The following PPP2R5D variants were observed in gnomAD, a reference collection of about 807,000 sequenced individuals.
The protein encoded by PPP2R5D is serine/threonine-protein phosphatase 2A 56 kDa regulatory subunit delta isoform.
PPP2R5D carries 12 observed loss-of-function variants against 79.1 expected under a neutral mutation model. The ratio of observed to expected loss-of-function variants is 0.15; its 90% confidence interval spans 0.10 to 0.25. PPP2R5D has a LOEUF of 0.25. Ranked by LOEUF, PPP2R5D falls within the 10% of genes least tolerant of loss-of-function variation. PPP2R5D has a pLI of 1.00. For synonymous variants in PPP2R5D, 277 were observed against 286.6 expected, an observed-to-expected ratio of 0.97 and a Z score of 0.34; for missense variants, 419 against 760.2, an observed-to-expected ratio of 0.55 and a Z score of 5.28.
intron 2 of PPP2R5D, among the ~76,000 whole-genome samples, chr6:42,999,652 G>A (rs924161250): frequency 8.5e-5 from 13 of 152,080 alleles, no homozygotes; most frequent in Non-Finnish European, 4.4e-5. Flanking sequence ...TGCAACCTCT[G>A]TCTCCCAGGT....
chr6:42,986,826 G>A lies in PPP2R5D; in HGVS notation c.27+2122G>A, dbSNP rs567687836. Among the ~76,000 whole-genome samples, 162 of 151,724 alleles carry A rather than the reference G, an allele frequency of 1.1e-3. 3 individuals are homozygous for A. Among genetic ancestry groups the A allele is most frequent in the Admixed American group, 0.01 (157 of 15,078 alleles). ...CCAGTGAGATTTGCTAGGACCATGG[G>A]TGTAAACGTTTGGTTGGGAAAGGGT... On this transcript the variant is annotated intron_variant, in intron 1 of 15. Coordinates refer to ENST00000485511, the MANE Select transcript of PPP2R5D (RefSeq NM_006245.4).
chr6:42,989,007 C>T (rs1158186163), intron 1 of PPP2R5D, among the ~76,000 whole-genome samples: 1 of 152,186 alleles, frequency 6.6e-6, no homozygotes, highest in East Asian at 1.9e-4. Flanking sequence ...GGTTTTACCC[C>T]CATCCCTGTC....
At position 43,010,628 on chromosome 6, in the gene PPP2R5D, C is replaced by G. The variant is rs1367886948; in HGVS notation, c.1482-36C>G. On this transcript the variant is annotated intron_variant, in intron 13 of 15. Transcript: ENST00000485511. This position sits in a 1 kb window ranked among gnomAD's most constrained non-coding sequence, Gnocchi z 4.7. ...TCTACCACCAGCTCACTGTGTTTCTCTCAAGCCCAACCCCAATCCTACTTT... is the reference window on the plus strand; with the variant it reads ...TCTACCACCAGCTCACTGTGTTTCTGTCAAGCCCAACCCCAATCCTACTTT... 6.2e-7 allele frequency: 1 copy of G among 1,613,622 alleles called. No homozygotes were observed. The highest frequency in any genetic ancestry group is 1.3e-5 in the African/African-American group (1 of 74,912).
At chr6:42,988,775 A>G (rs1466512109) in intron 1 of PPP2R5D, among the ~76,000 whole-genome samples, 2 of 152,260 alleles carry the variant, frequency 1.3e-5, no homozygotes, top group African/African-American at 4.8e-5. Flanking sequence ...TCTTTTAACA[A>G]GATGGAAGGT....
chr6:42,989,803 T>C lies in PPP2R5D; in HGVS notation c.105+115T>C. ...GGCAGAAGGGAAGGCTTCCATATCC[T>C]GGGAGGGACCTGGACAGCCCATCCA... On this transcript the variant is annotated intron_variant, in intron 2 of 15. Coordinates refer to ENST00000485511, the MANE Select transcript of PPP2R5D (RefSeq NM_006245.4). 5.7e-6 allele frequency: 6 copies of C among 1,057,316 alleles called. No individual in the cohort carries two copies. In the South Asian group the frequency reaches 9.0e-5, roughly 16 times the overall value. The allele number at this position is 1,057,316 out of a possible 1,614,324, so 65.5% of individuals were successfully genotyped here. A position where few individuals can be genotyped will look rare whatever the true frequency, so the allele number is the denominator to read the frequency against.
intron 1 of PPP2R5D, among the ~76,000 whole-genome samples, chr6:42,986,223 CAG>C (rs2150247497): frequency 6.6e-6 from 1 of 152,298 alleles, no homozygotes; most frequent in African/African-American, 2.4e-5. Flanking sequence ...CTTTGAGGTA[CAG>C]ACTCACACAT....
At position 43,009,392 on chromosome 6, in the gene PPP2R5D, G is replaced by A. The variant is rs748607156; in HGVS notation, c.1322G>A (p.Arg441Gln). The change falls in exon 12 of 16, where the codon CGA (arginine) becomes CAA (glutamine). Residue 441 changes from arginine to glutamine, a missense_variant. Transcript: ENST00000485511. The surrounding 1 kb of genome is among the most constrained non-coding windows in gnomAD (Gnocchi z 5.6). Reference protein sequence around the residue: ...IMSLISDNAARVLPIMFPALY... With the variant: ...IMSLISDNAAQVLPIMFPALY... ...AGCCTGATAAGTGACAATGCTGCCC[G>A]AGTCCTCCCCATCATGTTCCCTGCA... is the stretch of plus-strand genomic sequence containing the variant. 5.0e-6 allele frequency: 8 copies of A among 1,613,942 alleles called. No homozygotes were observed. The Admixed American group carries it at 5.0e-5, about 10-fold the overall frequency.
chr6:42,985,347 G>A (rs1770757696), intron 1 of PPP2R5D, among the ~76,000 whole-genome samples: 1 of 152,210 alleles, frequency 6.6e-6, no homozygotes, highest in Admixed American at 6.5e-5. Flanking sequence ...GTGCTGGAAG[G>A]GACCTCTGAG....
chr6:42,989,809 G>A, intron 2 of PPP2R5D, 121 bp downstream of exon 2: 1 of 977,458 alleles, frequency 1.0e-6, no homozygotes, highest in Non-Finnish European at 1.5e-6. Context: ...ATCCTGGGAG[G>A]GACCTGGACA....
rs1028750467 is a variant in PPP2R5D, at chr6:43,007,746, G to A, written c.727-189G>A. ...GTACCTCTCTCAGGTCAATAGTGAG[G>A]CATCACTTTGGAAGTCTCAGTACAA... On this transcript the variant is annotated intron_variant, in intron 6 of 15. Transcript: ENST00000485511. The surrounding 1 kb of genome is among the most constrained non-coding windows in gnomAD (Gnocchi z 4.5). Among the ~76,000 whole-genome samples the A allele has an allele frequency of 1.3e-5, 2 of 152,184 alleles. No individual in the cohort carries two copies. The highest frequency in any genetic ancestry group is 2.9e-5 in the Non-Finnish European group (2 of 68,040).
Position 43,009,334 on chromosome 6 carries a change from GCTCT to G in PPP2R5D, c.1267_1270del (p.Leu423IlefsTer9). On this transcript the variant is annotated frameshift_variant, in exon 12 of 16. Coordinates refer to ENST00000485511, the MANE Select transcript of PPP2R5D (RefSeq NM_006245.4). LOFTEE classifies it high-confidence loss of function. The surrounding 1 kb of genome is among the most constrained non-coding windows in gnomAD (Gnocchi z 5.6). ...CTCTCCCCACCAGGTGGCAGAGCGT[GCTCT>G]CTATTACTGGAACAATGAGTACATC... is the stretch of plus-strand genomic sequence containing the variant. 1 of 1,614,024 alleles carries G rather than the reference GCTCT, an allele frequency of 6.2e-7. No individual in the cohort carries two copies. Among genetic ancestry groups the G allele is most frequent in the Non-Finnish European group, 8.5e-7 (1 of 1,179,998 alleles).
At chr6:43,004,439 A>G (rs1273176194) in intron 2 of PPP2R5D, among the ~76,000 whole-genome samples, 1 of 152,124 alleles carries the variant, frequency 6.6e-6, no homozygotes, top group Non-Finnish European at 1.5e-5. Flanking sequence ...TTGTTCAGAT[A>G]TTACTACTAT....
At position 43,007,138 on chromosome 6, in the gene PPP2R5D, G is replaced by T. The variant is rs779468050; in HGVS notation, c.522+28G>T. ...GGGCACAGGGAAAGGACACAGGGGG[G>T]ACTGGTGAGGGGCTCTGGAGAAGCC... On this transcript the variant is annotated intron_variant, in intron 4 of 15. Transcript: ENST00000485511. This position sits in a 1 kb window ranked among gnomAD's most constrained non-coding sequence, Gnocchi z 4.5. 1.5e-5 allele frequency: 24 copies of T among 1,614,026 alleles called. No homozygotes were observed. Among genetic ancestry groups the T allele is most frequent in the Middle Eastern group, 1.6e-4 (1 of 6,084 alleles).
rs753685127 is a variant in PPP2R5D, at chr6:43,009,161, G to A, written c.1185G>A (p.Glu395=). The change falls in exon 11 of 16, where the codon GAG becomes GAA. Residue 395 remains glutamate, a synonymous_variant. Transcript: ENST00000485511. This position sits in a 1 kb window ranked among gnomAD's most constrained non-coding sequence, Gnocchi z 5.6. ...TTCTGGACGTCATTGAACCTTCTGA[G>A]TTCAGCAAAGTGATGGAACCCCTCT... The part of the protein sequence containing the change: ...EEILDVIEPS[E]FSKVMEPLFR... 5.6e-6 allele frequency: 9 copies of A among 1,614,008 alleles called. No homozygotes were observed. In the African/African-American group the frequency reaches 1.2e-4, roughly 22 times the overall value.
chr6:43,010,353 A>T lies in PPP2R5D; in HGVS notation c.1380-115A>T, dbSNP rs1031312776. On this transcript the variant is annotated intron_variant, in intron 12 of 15. Transcript: ENST00000485511. The surrounding 1 kb of genome is among the most constrained non-coding windows in gnomAD (Gnocchi z 4.7). ...TACTGCACAGAGGTTTGTGAACTGG[A>T]AGTAGTAAATGACAAAGCTCTTAGC... is the stretch of plus-strand genomic sequence containing the variant. 4 of 805,204 alleles carry T rather than the reference A, an allele frequency of 5.0e-6. No homozygotes were observed. In the African/African-American group the frequency reaches 6.8e-5, roughly 14 times the overall value. The allele number at this position is 805,204 out of a possible 1,614,324, so 49.9% of individuals were successfully genotyped here.
At chr6:42,986,834 G>A (rs1012185589) in intron 1 of PPP2R5D, among the ~76,000 whole-genome samples, 1 of 151,792 alleles carries the variant, frequency 6.6e-6, no homozygotes, top group African/African-American at 2.4e-5. Flanking sequence ...GGGTGTAAAC[G>A]TTTGGTTGGG....
At chr6:43,002,405 C>A (rs541382672) in intron 2 of PPP2R5D, among the ~76,000 whole-genome samples, 2 of 152,084 alleles carry the variant, frequency 1.3e-5, no homozygotes, top group Admixed American at 6.6e-5. Flanking sequence ...CCTCGTGATC[C>A]GCCCGCCTCT....
chr6:43,010,589 G>A lies in PPP2R5D; in HGVS notation c.1481+20G>A. ...GCAGAAGTGAGTATCTCTCTCCCCGGGAGACTTTCATCTTCTACCACCAGC... is the reference window on the plus strand; with the variant it reads ...GCAGAAGTGAGTATCTCTCTCCCCGAGAGACTTTCATCTTCTACCACCAGC... On this transcript the variant is annotated intron_variant, in intron 13 of 15. Transcript: ENST00000485511. This position sits in a 1 kb window ranked among gnomAD's most constrained non-coding sequence, Gnocchi z 4.7. 6.2e-7 allele frequency: 1 copy of A among 1,613,100 alleles called. No individual in the cohort carries two copies.
chr6:42,990,379 C>T (rs1771173506), intron 2 of PPP2R5D, among the ~76,000 whole-genome samples: 2 of 152,196 alleles, frequency 1.3e-5, no homozygotes, highest in Non-Finnish European at 1.5e-5. Context: ...GGTGCTTTCT[C>T]TGCTTTCTCC....
Sources: allele counts gnomAD v4.1 joint callset (sites outside exome capture counted in the v4.1 genomes callset), GRCh38; gene constraint gnomAD v4.1.1; non-coding constraint Gnocchi (gnomAD v3.1); transcripts MANE v1.5; gene names NCBI Gene and HGNC (gene_info 2026-07-23, HGNC 2026-07-21).